CSMD1: variants seen among roughly 807,000 people sequenced by gnomAD.
The protein encoded by CSMD1 is CUB and Sushi multiple domains 1.
CSMD1 carries 213 observed loss-of-function variants against 417.5 expected under a neutral mutation model. The observed-to-expected ratio is 0.51, with a 90% CI of 0.46 to 0.57. The LOEUF is 0.57. CSMD1 is among the 20% of genes least tolerant of loss of function. CSMD1 has a pLI of 0.00. For synonymous variants in CSMD1, 2,862 were observed against 1,736.8 expected (o/e 1.65, Z -16.11); for missense variants, 6,923 against 4,529.7 (o/e 1.53, Z -15.17).
At chr8:3,743,779 G>C (rs1357446541) in intron 6 of CSMD1, among the ~76,000 whole-genome samples, 1 of 152,164 alleles carries the variant, frequency 6.6e-6, no homozygotes, top group Non-Finnish European at 1.5e-5. Context: ...AAATTGATAA[G>C]TTTATCTTTA....
At chr8:4,564,839 A>C (rs868807332) in intron 2 of CSMD1, among the ~76,000 whole-genome samples, 7 of 152,274 alleles carry the variant, frequency 4.6e-5, no homozygotes, top group African/African-American at 1.7e-4. Flanking sequence ...GGATGCGTCC[A>C]GCATTTACTT....
intron 3 of CSMD1, among the ~76,000 whole-genome samples, chr8:4,416,545 CG>C (rs1796952414): frequency 6.6e-6 from 1 of 151,926 alleles, no homozygotes; most frequent in South Asian, 2.1e-4. Flanking sequence ...AATAGATGCA[CG>C]CATTTCCAAC....
chr8:3,443,447 G>A (rs550627126), intron 12 of CSMD1, among the ~76,000 whole-genome samples: 5 of 152,224 alleles, frequency 3.3e-5, no homozygotes, highest in East Asian at 3.9e-4. Flanking sequence ...TTTGGGAGGC[G>A]GGTTGACACA....
chr8:3,921,244 T>A (rs1249081513), intron 5 of CSMD1, among the ~76,000 whole-genome samples: 1 of 152,176 alleles, frequency 6.6e-6, no homozygotes, highest in Non-Finnish European at 1.5e-5. Flanking sequence ...TTTATATTTC[T>A]GTAATACCTG....
intron 1 of CSMD1, among the ~76,000 whole-genome samples, chr8:4,953,252 T>G (rs1808869147): frequency 6.6e-6 from 1 of 152,184 alleles, no homozygotes; most frequent in Non-Finnish European, 1.5e-5. Flanking sequence ...CCTTATCTTT[T>G]GAACATATAT....
Position 3,854,999 on chromosome 8 carries a change from A to G in CSMD1, c.819-100957T>C, listed in dbSNP as rs577088594. 2.0e-5 allele frequency among the ~76,000 whole-genome samples: 3 copies of G among 152,290 alleles called. No homozygotes were observed. In the East Asian group the frequency reaches 5.8e-4, roughly 29 times the overall value. On this transcript the variant is annotated intron_variant, in intron 5 of 69. Coordinates refer to ENST00000635120, the MANE Select transcript of CSMD1 (RefSeq NM_033225.6). ...CAAATGTCCAGGCCCAGTAATCCAT[A>G]CAGCCATACACATTCGGAAATAAAC... is the stretch of plus-strand genomic sequence containing the variant.
intron 3 of CSMD1, among the ~76,000 whole-genome samples, chr8:4,354,585 C>G (rs1801288338): frequency 1.3e-5 from 2 of 152,240 alleles, no homozygotes; most frequent in South Asian, 2.1e-4. Flanking sequence ...TTCACCGTGA[C>G]TCAACCTTAC....
chr8:3,333,211 G>C (rs906698236), intron 23 of CSMD1, among the ~76,000 whole-genome samples: 1 of 152,102 alleles, frequency 6.6e-6, no homozygotes, highest in African/African-American at 2.4e-5. Context: ...ACCTGGTCAC[G>C]TCCTTGTGAG....
chr8:4,751,515 T>C (rs1350139250), intron 1 of CSMD1, among the ~76,000 whole-genome samples: 1 of 152,134 alleles, frequency 6.6e-6, no homozygotes, highest in Non-Finnish European at 1.5e-5. Flanking sequence ...GCTAGATAAC[T>C]TTCTAAAGTT....
chr8:4,081,983 G>T (rs969750497), intron 3 of CSMD1, among the ~76,000 whole-genome samples: 1 of 151,874 alleles, frequency 6.6e-6, no homozygotes, highest in African/African-American at 2.4e-5. Context: ...TTCTGCCTCA[G>T]GAAGTTAATA....
intron 3 of CSMD1, among the ~76,000 whole-genome samples, chr8:4,206,198 TTTC>T (rs1415357932): frequency 1.3e-5 from 2 of 152,180 alleles, no homozygotes; most frequent in African/African-American, 4.8e-5. Context: ...AGGATTTCTT[TTTC>T]TTTTTTTAAA....
At chr8:4,650,656 T>TAAA (rs3990383) in intron 1 of CSMD1, among the ~76,000 whole-genome samples, 9,082 of 148,828 alleles carry the variant, frequency 0.061, 357 homozygotes, top group Middle Eastern at 0.11. Flanking sequence ...GGCCTTGAGT[T>TAAA]AAAAAAAAAA....
intron 3 of CSMD1, among the ~76,000 whole-genome samples, chr8:4,040,014 G>C (rs1468105914): frequency 1.3e-5 from 2 of 151,820 alleles, no homozygotes; most frequent in African/African-American, 2.4e-5. Flanking sequence ...ATACATGTCA[G>C]GACTGTTAAA....
intron 3 of CSMD1, among the ~76,000 whole-genome samples, chr8:4,150,680 T>G (rs1183902499): frequency 6.6e-6 from 1 of 152,194 alleles, no homozygotes; most frequent in Non-Finnish European, 1.5e-5. Flanking sequence ...AAGGAGTGTT[T>G]AGCATTTGGT....
chr8:3,635,793 CAAAAAAAAAAA>C (rs752552617), intron 7 of CSMD1, among the ~76,000 whole-genome samples: 1 of 99,282 alleles, frequency 1.0e-5, no homozygotes. Context: ...GCTTCCATCT[CAAAAAAAAAAA>C]AAAAAAAAAA....
rs17070711 is a variant in CSMD1, at chr8:4,593,100, T to C, written c.302+44242A>G. On this transcript the variant is annotated intron_variant, in intron 2 of 69. Transcript: ENST00000635120. ...TATCTTGCATAATGCATCCGGGCCA[T>C]TTCTTGGTCTCATTCCTTTCTTAGG... Among the ~76,000 whole-genome samples the C allele has an allele frequency of 6.7e-3, 1,013 of 152,286 alleles. 6 individuals are homozygous for C. The highest frequency in any genetic ancestry group is 0.024 in the African/African-American group (987 of 41,572).
intron 5 of CSMD1, among the ~76,000 whole-genome samples, chr8:3,986,162 T>C (rs1814305461): frequency 6.6e-6 from 1 of 152,062 alleles, no homozygotes; most frequent in African/African-American, 2.4e-5. Context: ...CCTTAAAGTC[T>C]CTCCAAAGAG....
chr8:3,126,432 A>G (rs1817515478), intron 41 of CSMD1, among the ~76,000 whole-genome samples: 1 of 152,166 alleles, frequency 6.6e-6, no homozygotes, highest in South Asian at 2.1e-4. Context: ...GGGCATTGCT[A>G]CAGAGAATAG....
chr8:4,370,046 G>A (rs542855643), intron 3 of CSMD1, among the ~76,000 whole-genome samples: 3 of 152,050 alleles, frequency 2.0e-5, no homozygotes, highest in Admixed American at 6.5e-5. Flanking sequence ...TAATGTCAAT[G>A]AGGTATGTGC....
Sources: allele counts gnomAD v4.1 joint callset (sites outside exome capture counted in the v4.1 genomes callset), GRCh38; gene constraint gnomAD v4.1.1; transcripts MANE v1.5; gene names NCBI Gene and HGNC (gene_info 2026-07-23, HGNC 2026-07-21).